The following MACF1 variants were observed in gnomAD, a reference collection of about 807,000 sequenced individuals.
MACF1 encodes microtubule actin crosslinking factor 1, also known as microtubule-actin cross-linking factor 1.
MACF1 carries 193 observed loss-of-function variants against 854.8 expected under a neutral mutation model. The ratio of observed to expected loss-of-function variants is 0.23; its 90% CI spans 0.20 to 0.25. MACF1 has a LOEUF of 0.25. MACF1 is among the 10% of genes least tolerant of loss of function. The probability of loss-of-function intolerance (pLI) is 1.00; values close to 1 mark genes in which losing one functional copy is unlikely to be tolerated. For synonymous variants in MACF1, 3,185 were observed against 3,226.7 expected, an observed-to-expected ratio of 0.99 and a Z score of 0.44; for missense variants, 7,722 against 8,929.1, an observed-to-expected ratio of 0.86 and a Z score of 5.45.
At position 39,442,191 on chromosome 1, in the gene MACF1, G is replaced by A. The variant is rs759188870; in HGVS notation, c.18819G>A (p.Lys6273=). 9 of 1,602,080 alleles carry A rather than the reference G, an allele frequency of 5.6e-6. No individual in the cohort carries two copies. Among genetic ancestry groups the A allele is most frequent in the Non-Finnish European group, 6.8e-6 (8 of 1,176,294 alleles). The stretch of plus-strand genomic sequence containing the variant: ...ACCAACAGCAAATTGAGATGGAGAA[G>A]CTTAATCACCAGGGTGAACTGATGT... ...EVYQQQIEME[K]LNHQGELMLK... is the part of the protein sequence containing the mutation. The change falls in exon 76 of 101, where the codon AAG becomes AAA. Residue 6273 remains lysine (K), a synonymous_variant. Transcript: ENST00000564288.
chr1:39,345,648 T>C (rs1191383462), intron 40 of MACF1, among the ~76,000 whole-genome samples: 1 of 152,116 alleles, frequency 6.6e-6, no homozygotes, highest in Non-Finnish European at 1.5e-5. Flanking sequence ...ACAAATTATA[T>C]ATTTTCTCAG....
intron 2 of MACF1, among the ~76,000 whole-genome samples, chr1:39,233,708 T>C (rs969880581): frequency 1.3e-5 from 2 of 151,208 alleles, no homozygotes; most frequent in Non-Finnish European, 2.9e-5. Flanking sequence ...TCTTGGATTC[T>C]TGCCTAAGCC....
intron 6 of MACF1, among the ~76,000 whole-genome samples, chr1:39,262,756 G>A (rs1645179072): frequency 6.6e-6 from 1 of 152,164 alleles, no homozygotes; most frequent in Non-Finnish European, 1.5e-5. Flanking sequence ...GCTTTTCTCT[G>A]TTATTTCAGC....
rs1641883566 is a variant in MACF1 at position 39,388,424 on chromosome 1, T to C, written c.15582T>C (p.Asp5194=). 1.2e-6 allele frequency: 2 copies of C among 1,613,966 alleles called. No homozygotes were observed. Among genetic ancestry groups the C allele is most frequent in the South Asian group, 2.2e-5 (2 of 91,082 alleles). The change falls in exon 58 of 101, where the codon GAT becomes GAC. Residue 5194 remains aspartate, a synonymous_variant. Transcript: ENST00000564288. ...RHMLEEEGTL[D]LLGLKRELEA... ...TGCTAGAAGAAGAGGGGACTCTGGATTTGTTAGGTCTCAAAAGGGAGCTAG... is the reference window on the plus strand; with the variant it reads ...TGCTAGAAGAAGAGGGGACTCTGGACTTGTTAGGTCTCAAAAGGGAGCTAG...
At chr1:39,214,131 T>G (rs1644548045) in intron 1 of MACF1, among the ~76,000 whole-genome samples, 1 of 152,144 alleles carries the variant, frequency 6.6e-6, no homozygotes, top group Admixed American at 6.5e-5. Flanking sequence ...AAAGCAGCAT[T>G]AGCCTGAAGA....
intron 28 of MACF1, among the ~76,000 whole-genome samples, chr1:39,316,964 G>A (rs892459841): frequency 6.6e-6 from 1 of 152,260 alleles, no homozygotes; most frequent in Non-Finnish European, 1.5e-5. Flanking sequence ...TATAAGTGGT[G>A]AAGCCAGGTT....
intron 22 of MACF1, among the ~76,000 whole-genome samples, chr1:39,300,822 A>G (rs943802775): frequency 6.6e-6 from 1 of 152,202 alleles, no homozygotes; most frequent in African/African-American, 2.4e-5. Context: ...AGGCACATGG[A>G]TCACTTGAGC....
At position 39,084,397 on chromosome 1, in the gene MACF1, C is replaced by T. The variant is rs768273900; in HGVS notation, c.179C>T (p.Ser60Leu). The change falls in exon 2 of 94, where the codon TCG (serine) becomes TTG (leucine). Residue 60 changes from serine (S) to leucine (L), a missense_variant. By Grantham distance (145) the Ser-to-Leu change is moderately radical. Transcript: ENST00000361689. The surrounding 1 kb of genome is among the most constrained non-coding windows in gnomAD (Gnocchi z 5.2). Reference sequence around the variant, plus strand: ...CAGAAAAAGCGGAAAAGCCAGGATTCGGTGCTGGACCCTGCAGAGCGTGCT... The same window carrying T: ...CAGAAAAAGCGGAAAAGCCAGGATTTGGTGCTGGACCCTGCAGAGCGTGCT... 37 of 1,612,474 alleles carry T rather than the reference C, an allele frequency of 2.3e-5. No individual in the cohort carries two copies. Among genetic ancestry groups the T allele is most frequent in the Admixed American group, 8.3e-5 (5 of 59,996 alleles).
rs1271049690 is a variant in MACF1 at position 39,254,743 on chromosome 1, A to T, written c.435+368A>T. 9 of 244,956 alleles carry T rather than the reference A, an allele frequency of 3.7e-5. No individual in the cohort carries two copies. The Admixed American group carries it at 4.6e-4, about 13-fold the overall frequency. The allele number at this position is 244,956 out of a possible 1,614,324, so 15.2% of individuals were successfully genotyped here. Reference sequence around the variant, plus strand: ...AACCAGATTGCTATATCAAGGTGAAAATGAGATAAGGGGGTAGTGTGGATT... The same window carrying T: ...AACCAGATTGCTATATCAAGGTGAATATGAGATAAGGGGGTAGTGTGGATT... On this transcript the variant is annotated intron_variant, in intron 5 of 100. Coordinates refer to ENST00000564288, the MANE Select transcript of MACF1 (RefSeq NM_001394062.1).
chr1:39,334,890 G>T lies in MACF1; in HGVS notation c.8302G>T (p.Asp2768Tyr), dbSNP rs376361649. ...MIQIDSSEFS[D>Y]HRAQIEKQEG... ...CCAAATAGATAGTTCAGAGTTCAGC[G>T]ATCACAGGGCTCAGATTGAAAAGCA... The change falls in exon 37 of 101, where the codon GAT (aspartate) becomes TAT (tyrosine). Residue 2768 changes from aspartate to tyrosine, a missense_variant. Transcript: ENST00000564288. 5.4e-5 allele frequency: 87 copies of T among 1,614,048 alleles called. No individual in the cohort carries two copies. The highest frequency in any genetic ancestry group is 4.7e-4 in the Admixed American group (28 of 60,012).
chr1:39,442,520 A>G lies in MACF1; in HGVS notation c.19057A>G (p.Ile6353Val), dbSNP rs1644140050. Residue 6353 changes from isoleucine (I) to valine (V), a missense_variant, in exon 77 of 101, where the codon ATA (isoleucine) becomes GTA (valine). This residue lies in a region of MACF1 where 2,807 missense variants were observed against 3,235.8 expected (regional missense o/e 0.87). Transcript: ENST00000564288. Reference sequence around the variant, plus strand: ...AGAGTTGTTAGATGCTCAGAGACCAATAAGTGGAGACCCAAAAGTCATTGA... The same window carrying G: ...AGAGTTGTTAGATGCTCAGAGACCAGTAAGTGGAGACCCAAAAGTCATTGA... ...TEELLDAQRP[I>V]SGDPKVIEVE... The G allele has an allele frequency of 6.2e-7, 1 of 1,614,216 alleles. No homozygotes were observed. Among genetic ancestry groups the G allele is most frequent in the Non-Finnish European group, 8.5e-7 (1 of 1,180,036 alleles).
chr1:39,461,664 C>T lies in MACF1; in HGVS notation c.21524-219C>T, dbSNP rs557404450. ...AAAATTAGCCGGGCCTGGTGACAGG[C>T]GCTTGTATTCCCAGCTACTCTGGAA... On this transcript the variant is annotated intron_variant, in intron 92 of 100. Coordinates refer to ENST00000564288, the MANE Select transcript of MACF1 (RefSeq NM_001394062.1). Among the ~76,000 whole-genome samples the T allele has an allele frequency of 3.3e-5, 5 of 152,002 alleles. No individual in the cohort carries two copies. In the South Asian group the frequency reaches 8.3e-4, roughly 25 times the overall value.
In MACF1 at chr1:39,428,164, G is replaced by A. The variant is rs1170166342; in HGVS notation, c.16680G>A (p.Arg5560=). The change falls in exon 63 of 101, where the codon AGG becomes AGA. Residue 5560 remains arginine, a synonymous_variant. Coordinates refer to ENST00000564288, the MANE Select transcript of MACF1 (RefSeq NM_001394062.1). ...TTGACCAAGCTCTGTCTAATGCTAGGCTGTTTGGGGAGGATGAGGTGGAGG... is the reference window on the plus strand; with the variant it reads ...TTGACCAAGCTCTGTCTAATGCTAGACTGTTTGGGGAGGATGAGGTGGAGG... ...ALLDQALSNA[R]LFGEDEVEVL... is the part of the protein sequence containing the mutation. 6.2e-7 allele frequency: 1 copy of A among 1,614,192 alleles called. No individual in the cohort carries two copies. The highest frequency in any genetic ancestry group is 1.3e-5 in the African/African-American group (1 of 75,046).
At chr1:39,242,858 A>C (rs528087482) in intron 2 of MACF1, among the ~76,000 whole-genome samples, 1 of 152,266 alleles carries the variant, frequency 6.6e-6, no homozygotes, top group South Asian at 2.1e-4. Context: ...CAGCCTGGGT[A>C]ACATACTGAG....
Position 39,303,014 on chromosome 1 carries a change from A to G in MACF1, c.2725A>G (p.Met909Val). ...KVISPTGNEA[M>V]VPSVCFLIPP... ...GATCAGCCCCACAGGGAACGAGGCA[A>G]TGGTGCCGTCAGTCTGCTTCCTCAT... is the stretch of plus-strand genomic sequence containing the variant. The change falls in exon 23 of 101, where the codon ATG (methionine) becomes GTG (valine). Residue 909 changes from methionine to valine, a missense_variant. This residue lies in a region of MACF1 where 1,137 missense variants were observed against 1,263.0 expected (regional missense o/e 0.90). Transcript: ENST00000564288. 1 of 1,614,186 alleles carries G rather than the reference A, an allele frequency of 6.2e-7. No individual in the cohort carries two copies. Among genetic ancestry groups the G allele is most frequent in the Non-Finnish European group, 8.5e-7 (1 of 1,180,012 alleles).
At chr1:39,431,989 A>G (rs753905750) in intron 66 of MACF1, among the ~76,000 whole-genome samples, 5 of 152,136 alleles carry the variant, frequency 3.3e-5, no homozygotes, top group Non-Finnish European at 5.9e-5. Flanking sequence ...GGGGGCAGGG[A>G]AGGATGGAGG....
At chr1:39,323,332 CA>C (rs1202671179) in intron 33 of MACF1, among the ~76,000 whole-genome samples, 1 of 150,952 alleles carries the variant, frequency 6.6e-6, no homozygotes, top group Admixed American at 6.6e-5. Context: ...TAGGCTGTCT[CA>C]AAAAAAAGCC....
chr1:39,304,280 A>C, intron 23 of MACF1: 1 of 573,980 alleles, frequency 1.7e-6, no homozygotes, highest in Non-Finnish European at 3.3e-6. Context: ...ATGCCATTTC[A>C]GTAGTGACTT....
intron 2 of MACF1, among the ~76,000 whole-genome samples, chr1:39,095,440 G>A (rs1377648298): frequency 1.3e-5 from 2 of 151,368 alleles, no homozygotes; most frequent in African/African-American, 4.9e-5. Context: ...GTGCGCGCCT[G>A]TAGTCCCAGC....
Sources: gnomAD v4.1 joint callset for allele counts (sites outside exome capture counted in the v4.1 genomes callset) on GRCh38, gnomAD v4.1.1 for gene constraint, gnomAD v4.1.1 regional missense constraint, Gnocchi (gnomAD v3.1) non-coding constraint, MANE v1.5 for transcripts, NCBI Gene and HGNC (gene_info 2026-07-23, HGNC 2026-07-21) for gene names.